LRMDA: variants seen among roughly 807,000 people sequenced by gnomAD.
LRMDA encodes leucine rich melanocyte differentiation associated, also known as leucine-rich melanocyte differentiation-associated protein.
Under a neutral mutation model 29.8 loss-of-function variants are expected in LRMDA, and 18 were observed. The ratio of observed to expected loss-of-function variants is 0.60; its 90% confidence interval spans 0.42 to 0.90. The LOEUF is 0.90. Among genes scored for constraint, LRMDA ranks in the 40% least tolerant of loss-of-function variants. The probability of loss-of-function intolerance (pLI) is 0.00; values close to 1 mark genes in which losing one functional copy is unlikely to be tolerated. For synonymous variants in LRMDA, 125 were observed against 109.4 expected (o/e 1.14, Z -0.89); for missense variants, 273 against 273.9 (o/e 1.00, Z 0.02).
At chr10:76,474,258 T>C (rs1301181813) in intron 6 of LRMDA, among the ~76,000 whole-genome samples, 2 of 151,732 alleles carry the variant, frequency 1.3e-5, no homozygotes, top group East Asian at 3.9e-4. Flanking sequence ...ATATCACCAC[T>C]AAAAGCATAA....
At chr10:75,591,893 A>G (rs1339010286) in intron 2 of LRMDA, among the ~76,000 whole-genome samples, 3 of 152,154 alleles carry the variant, frequency 2.0e-5, no homozygotes, top group Non-Finnish European at 2.9e-5. Context: ...GTATCAGTCA[A>G]TTCATAAATG....
chr10:75,758,283 T>A (rs1187716631), intron 2 of LRMDA, among the ~76,000 whole-genome samples: 1 of 152,208 alleles, frequency 6.6e-6, no homozygotes, highest in African/African-American at 2.4e-5. Context: ...GGCTCCCTCC[T>A]GTTGCCAAGT....
intron 5 of LRMDA, among the ~76,000 whole-genome samples, chr10:76,193,218 A>G (rs1318380144): frequency 6.6e-6 from 1 of 152,224 alleles, no homozygotes. Flanking sequence ...GGGAGCCAAG[A>G]TGGAAATGCA....
At chr10:76,060,670 GAGGAAAAC>G (rs1457396838) in intron 5 of LRMDA, among the ~76,000 whole-genome samples, 1 of 152,218 alleles carries the variant, frequency 6.6e-6, no homozygotes, top group African/African-American at 2.4e-5. Flanking sequence ...AGGTCTAAAT[GAGGAAAAC>G]AGGTAAGAGC....
intron 6 of LRMDA, among the ~76,000 whole-genome samples, chr10:76,522,953 A>G (rs1843136372): frequency 6.6e-6 from 1 of 152,052 alleles, no homozygotes; most frequent in Non-Finnish European, 1.5e-5. Flanking sequence ...CACTGTTACC[A>G]AAAGTTACCA....
chr10:75,517,129 A>G (rs1487429425), intron 2 of LRMDA, among the ~76,000 whole-genome samples: 1 of 152,136 alleles, frequency 6.6e-6, no homozygotes, highest in African/African-American at 2.4e-5. Flanking sequence ...GAAGTCAGGT[A>G]GCATGATGCC....
intron 5 of LRMDA, among the ~76,000 whole-genome samples, chr10:76,121,805 C>T (rs1849794268): frequency 6.6e-6 from 1 of 152,146 alleles, no homozygotes; most frequent in East Asian, 1.9e-4. Context: ...TTAGGAGCTT[C>T]TCAAAGAAAG....
Position 76,265,524 on chromosome 10 carries a change from G to A in LRMDA, c.517-58877G>A, listed in dbSNP as rs79252991. Among the ~76,000 whole-genome samples, 570 of 152,190 alleles carry A rather than the reference G, an allele frequency of 3.7e-3. 2 individuals are homozygous for A. Among genetic ancestry groups the A allele is most frequent in the South Asian group, 0.013 (63 of 4,808 alleles). Reference sequence around the variant, plus strand: ...CTTCTCCAACAGTGGGATCATTCTCGGGAAGTGCTCCTCACTTTCCACATG... The same window carrying A: ...CTTCTCCAACAGTGGGATCATTCTCAGGAAGTGCTCCTCACTTTCCACATG... On this transcript the variant is annotated intron_variant, in intron 5 of 6. Transcript: ENST00000611255.
intron 5 of LRMDA, among the ~76,000 whole-genome samples, chr10:76,299,953 C>T (rs759287250): frequency 6.6e-6 from 1 of 152,136 alleles, no homozygotes; most frequent in East Asian, 1.9e-4. Context: ...CCTCATACCT[C>T]CCCTAACTTC....
At chr10:76,475,285 C>A (rs11492301) in intron 6 of LRMDA, among the ~76,000 whole-genome samples, 37,471 of 151,576 alleles carry the variant, frequency 0.25, 5,541 homozygotes, top group Non-Finnish European at 0.34. Context: ...TGTGAATATG[C>A]ATAAAGTTTT....
intron 5 of LRMDA, among the ~76,000 whole-genome samples, chr10:76,120,223 C>A (rs1033707515): frequency 3.4e-5 from 5 of 146,216 alleles, no homozygotes; most frequent in African/African-American, 1.0e-4. Flanking sequence ...GAGTCTCACT[C>A]TGTCACCCAG....
intron 2 of LRMDA, among the ~76,000 whole-genome samples, chr10:75,941,337 G>A (rs988336777): frequency 3.9e-5 from 6 of 152,178 alleles, no homozygotes; most frequent in Non-Finnish European, 7.3e-5. Context: ...TCTGTGAAAA[G>A]AGAGTGCTCT....
intron 5 of LRMDA, among the ~76,000 whole-genome samples, chr10:76,199,990 G>A (rs1589373339): frequency 6.6e-6 from 1 of 152,128 alleles, no homozygotes; most frequent in Non-Finnish European, 1.5e-5. Flanking sequence ...GAGACAGAGT[G>A]TCACTCTGTC....
At chr10:76,245,264 G>C (rs769779228) in intron 5 of LRMDA, among the ~76,000 whole-genome samples, 16 of 152,180 alleles carry the variant, frequency 1.1e-4, no homozygotes, top group Non-Finnish European at 2.1e-4. Context: ...GACCTCCACT[G>C]CCTGGTCCTA....
chr10:76,327,298 G>T (rs1840847707), intron 6 of LRMDA, among the ~76,000 whole-genome samples: 1 of 151,976 alleles, frequency 6.6e-6, no homozygotes, highest in African/African-American at 2.4e-5. Context: ...TCACCATGTT[G>T]ACCAGGCTGG....
chr10:75,551,265 C>T (rs1325219065), intron 2 of LRMDA, among the ~76,000 whole-genome samples: 1 of 151,390 alleles, frequency 6.6e-6, no homozygotes, highest in Non-Finnish European at 1.5e-5. Context: ...TTCAACCTTA[C>T]CAGGAGATAT....
chr10:75,893,139 C>G (rs905475385), intron 2 of LRMDA, among the ~76,000 whole-genome samples: 1 of 152,182 alleles, frequency 6.6e-6, no homozygotes, highest in Non-Finnish European at 1.5e-5. Flanking sequence ...GTAGCATGCA[C>G]ATGGGCTTCT....
rs1335810556 is a variant in LRMDA, at chr10:76,509,945, G to C, written c.602-47264G>C. ...AGGTATATGTAAAGGACAGCTCAAAGCTGAGGTTTAAAACTAGTATGCTCC... is the reference window on the plus strand; with the variant it reads ...AGGTATATGTAAAGGACAGCTCAAACCTGAGGTTTAAAACTAGTATGCTCC... On this transcript the variant is annotated intron_variant, in intron 6 of 6. Coordinates refer to ENST00000611255, the MANE Select transcript of LRMDA (RefSeq NM_001305581.2). 2.0e-5 allele frequency among the ~76,000 whole-genome samples: 3 copies of C among 152,204 alleles called. No individual in the cohort carries two copies. The East Asian group carries it at 5.8e-4, about 29-fold the overall frequency.
At chr10:76,038,977 C>T (rs188793370) in intron 3 of LRMDA, among the ~76,000 whole-genome samples, 1 of 152,194 alleles carries the variant, frequency 6.6e-6, no homozygotes, top group Non-Finnish European at 1.5e-5. Flanking sequence ...AAGATGACCT[C>T]ACTCATATGT....
Sources: allele counts gnomAD v4.1 joint callset (sites outside exome capture counted in the v4.1 genomes callset), GRCh38; gene constraint gnomAD v4.1.1; transcripts MANE v1.5; gene names NCBI Gene and HGNC (gene_info 2026-07-23, HGNC 2026-07-21).